GPHN: variants seen among roughly 807,000 people sequenced by gnomAD.
The protein encoded by GPHN is gephyrin.
A neutral mutation model predicts 95.5 loss-of-function variants in GPHN; 17 were observed. The ratio of observed to expected loss-of-function variants is 0.18; its 90% CI spans 0.12 to 0.27. GPHN has a LOEUF of 0.27. GPHN is among the 10% of genes least tolerant of loss of function. The pLI is 1.00. For missense variants in GPHN, 660 were observed against 978.1 expected, an observed-to-expected ratio of 0.67 and a Z score of 4.34; for synonymous variants, 320 against 322.5, an observed-to-expected ratio of 0.99 and a Z score of 0.08.
chr14:67,208,145 A>G, the GPHN span: 20 of 1,595,950 alleles, frequency 1.3e-5, no homozygotes, highest in Non-Finnish European at 1.6e-5. Context: ...TTCCACAAAC[A>G]CCTATTACCT....
the GPHN span, among the ~76,000 whole-genome samples, chr14:67,513,674 C>A: frequency 6.6e-6 from 1 of 152,208 alleles, no homozygotes; most frequent in African/African-American, 2.4e-5. Context: ...TACTTGTATC[C>A]TTGTATCATT....
chr14:66,658,333 G>A (rs974004427), intron 1 of GPHN, among the ~76,000 whole-genome samples: 1 of 151,924 alleles, frequency 6.6e-6, no homozygotes, highest in Non-Finnish European at 1.5e-5. Flanking sequence ...AATATTATTG[G>A]AATGACAAAA....
chr14:66,903,255 G>T (rs1316142188), intron 5 of GPHN, among the ~76,000 whole-genome samples: 1 of 152,032 alleles, frequency 6.6e-6, no homozygotes, highest in Non-Finnish European at 1.5e-5. Context: ...ATTAATGTTT[G>T]CTTTATATAC....
At chr14:67,453,695 G>A in the GPHN span, among the ~76,000 whole-genome samples, 6 of 152,264 alleles carry the variant, frequency 3.9e-5, no homozygotes, top group East Asian at 1.9e-4. Context: ...GAGAGGGGGC[G>A]GCTGAGTCAG....
chr14:67,722,271 A>G, the GPHN span, among the ~76,000 whole-genome samples: 1 of 152,350 alleles, frequency 6.6e-6, no homozygotes, highest in Admixed American at 6.5e-5. Context: ...ATCTTGCAGT[A>G]GAGGTGGCAG....
chr14:67,100,959 C>G (rs2077667903), intron 13 of GPHN, 48 bp downstream of exon 13: 1 of 1,067,310 alleles, frequency 9.4e-7, no homozygotes, highest in East Asian at 2.4e-5. Context: ...GCTTCATGGA[C>G]TTTGGGCATC....
the GPHN span, chr14:67,382,563 G>C: frequency 6.2e-7 from 1 of 1,613,966 alleles, no homozygotes; most frequent in Non-Finnish European, 8.5e-7. Context: ...TTGAGGAAAA[G>C]AGGGGTGTGT....
the GPHN span, among the ~76,000 whole-genome samples, chr14:67,518,066 C>T: frequency 6.6e-6 from 1 of 152,156 alleles, no homozygotes; most frequent in Non-Finnish European, 1.5e-5. Flanking sequence ...GGGAGGGTGA[C>T]CCTGGGTGCA....
chr14:66,880,137 T>C, intron 5 of GPHN, 104 bp downstream of exon 5: 1 of 749,422 alleles, frequency 1.3e-6, no homozygotes, highest in South Asian at 1.5e-5. Flanking sequence ...TTAAATGAGC[T>C]AGTCCACATA....
chr14:67,176,930 T>C (rs1211338521), intron 21 of GPHN, among the ~76,000 whole-genome samples: 3 of 152,228 alleles, frequency 2.0e-5, no homozygotes, highest in Non-Finnish European at 4.4e-5. Context: ...ATATCCCCTT[T>C]ATCATTTTTT....
rs368682165 is a variant in GPHN, at chr14:67,113,301, CAG to C, written c.1626+131_1626+132del. ...TACCAGTGGATCCACATTCTTATAA[CAG>C]GGAAACAATAAATTGGCTTTAGGAT... is the stretch of plus-strand genomic sequence containing the variant. On this transcript the variant is annotated intron_variant, in intron 16 of 22. Coordinates refer to ENST00000478722, the MANE Select transcript of GPHN (RefSeq NM_020806.5). 3.5e-4 allele frequency: 305 copies of C among 864,096 alleles called. 1 individual carries two copies. The African/African-American group carries it at 4.4e-3, about 13-fold the overall frequency. The allele number at this position is 864,096 out of a possible 1,614,324, so 53.5% of individuals were successfully genotyped here.
At chr14:67,648,045 A>G in the GPHN span, 2 of 1,607,490 alleles carry the variant, frequency 1.2e-6, no homozygotes, top group South Asian at 1.1e-5. Flanking sequence ...CTTCCTTTTT[A>G]GGAGACAAAG....
chr14:66,643,638 G>A (rs1857353246), intron 1 of GPHN, among the ~76,000 whole-genome samples: 1 of 151,784 alleles, frequency 6.6e-6, no homozygotes, highest in African/African-American at 2.4e-5. Context: ...GAATGCCTAT[G>A]GTATGATTCA....
the GPHN span, among the ~76,000 whole-genome samples, chr14:67,316,355 G>A: frequency 2.0e-5 from 3 of 152,076 alleles, no homozygotes; most frequent in Admixed American, 1.3e-4. Context: ...AAAAGAAGAG[G>A]AATTGAGAAT....
At chr14:67,440,204 A>C in the GPHN span, among the ~76,000 whole-genome samples, 12 of 152,272 alleles carry the variant, frequency 7.9e-5, no homozygotes, top group African/African-American at 2.6e-4. Flanking sequence ...CACATACCCA[A>C]AGAACTAAAA....
intron 9 of GPHN, among the ~76,000 whole-genome samples, chr14:66,976,898 T>G: frequency 9.0e-6 from 1 of 111,454 alleles, no homozygotes. Context: ...AATAAATACA[T>G]GCAGCACAGA....
intron 1 of GPHN, among the ~76,000 whole-genome samples, chr14:66,637,218 ACATGGC>A (rs2064148649): frequency 6.6e-6 from 1 of 152,176 alleles, no homozygotes; most frequent in Admixed American, 6.5e-5. Flanking sequence ...AATAGGTTAT[ACATGGC>A]CATACTTAAA....
At chr14:66,867,128 A>C (rs569958223) in intron 4 of GPHN, among the ~76,000 whole-genome samples, 5 of 152,294 alleles carry the variant, frequency 3.3e-5, no homozygotes, top group African/African-American at 1.2e-4. Context: ...CAGGAATTGA[A>C]GAAGATGTAA....
At chr14:67,604,657 G>A in the GPHN span, among the ~76,000 whole-genome samples, 1 of 152,182 alleles carries the variant, frequency 6.6e-6, no homozygotes, top group Non-Finnish European at 1.5e-5. Context: ...ACAAAAAGCT[G>A]TGATCAAGCC....
Sources: gnomAD v4.1 joint callset for allele counts (sites outside exome capture counted in the v4.1 genomes callset) on GRCh38, gnomAD v4.1.1 for gene constraint, MANE v1.5 for transcripts, NCBI Gene and HGNC (gene_info 2026-07-23, HGNC 2026-07-21) for gene names.